The following NTM variants were observed in gnomAD, a reference collection of about 807,000 sequenced individuals.
The protein encoded by NTM is IgLON family member 2.
In NTM, 13 loss-of-function variants were observed where a neutral mutation model predicts 42.1. That is an observed-to-expected ratio of 0.31 (90% CI 0.20 to 0.49). The LOEUF (loss-of-function observed/expected upper bound fraction) is 0.49. NTM is among the 20% of genes least tolerant of loss of function. The pLI is 0.99. For missense variants in NTM, 373 were observed against 452.8 expected, an observed-to-expected ratio of 0.82 and a Z score of 1.60; for synonymous variants, 187 against 179.2, an observed-to-expected ratio of 1.04 and a Z score of -0.35.
intron 1 of NTM, chr11:131,671,443 C>T: frequency 2.0e-6 from 2 of 985,460 alleles, no homozygotes; most frequent in Non-Finnish European, 2.4e-6. Flanking sequence ...CTTGCCTGGG[C>T]CTTGTCAGCT....
chr11:132,315,581 G>C lies in NTM; in HGVS notation c.934+878G>C, dbSNP rs142621614. 2.0e-3 allele frequency among the ~76,000 whole-genome samples: 298 copies of C among 152,314 alleles called. No homozygotes were observed. In the Middle Eastern group the frequency reaches 0.044, roughly 23 times the overall value. ...AAGCACTCTTGAATGTGATGGGGAAGTAAGGGGAGGCATTTGACAGATAAT... is the reference window on the plus strand; with the variant it reads ...AAGCACTCTTGAATGTGATGGGGAACTAAGGGGAGGCATTTGACAGATAAT... On this transcript the variant is annotated intron_variant, in intron 7 of 8. Transcript: ENST00000683400.
chr11:131,664,844 T>G (rs1314598217), intron 1 of NTM, among the ~76,000 whole-genome samples: 2 of 151,200 alleles, frequency 1.3e-5, no homozygotes, highest in African/African-American at 2.4e-5. Context: ...GTTGCCATCC[T>G]TTAATGACAG....
At chr11:132,093,970 G>T (rs188728071) in intron 2 of NTM, among the ~76,000 whole-genome samples, 43 of 152,300 alleles carry the variant, frequency 2.8e-4, no homozygotes, top group Admixed American at 2.7e-3. Flanking sequence ...GCGCAGCTAC[G>T]TGGTGAAGAC....
intron 3 of NTM, among the ~76,000 whole-genome samples, chr11:132,182,086 C>T (rs939174760): frequency 4.6e-5 from 7 of 151,732 alleles, no homozygotes; most frequent in Non-Finnish European, 7.4e-5. Context: ...TATCTTCAAC[C>T]GTTATTTCCC....
rs188205909 is a variant in NTM at position 132,143,629 on chromosome 11, A to T, written c.168-2653A>T. On this transcript the variant is annotated intron_variant, in intron 2 of 8. Transcript: ENST00000683400. ...ACATAGTGGGCTCATGTAGTCAATT[A>T]ACATTGACCATGAATGTGAATTCAT... 2.2e-3 allele frequency among the ~76,000 whole-genome samples: 334 copies of T among 152,314 alleles called. 2 individuals carry two copies. Among genetic ancestry groups the T allele is most frequent in the African/African-American group, 7.5e-3 (312 of 41,568 alleles).
intron 4 of NTM, among the ~76,000 whole-genome samples, chr11:132,236,144 A>G (rs891147609): frequency 6.6e-6 from 1 of 152,150 alleles, no homozygotes; most frequent in African/African-American, 2.4e-5. Flanking sequence ...TCATTAGCCA[A>G]CTTTTCTGGA....
At chr11:131,933,460 ACATT>A (rs2058858662) in intron 2 of NTM, among the ~76,000 whole-genome samples, 1 of 152,092 alleles carries the variant, frequency 6.6e-6, no homozygotes. Flanking sequence ...TCTAAATAAG[ACATT>A]CATTTATCTA....
At chr11:132,095,246 T>C (rs1039056102) in intron 2 of NTM, among the ~76,000 whole-genome samples, 3 of 152,170 alleles carry the variant, frequency 2.0e-5, no homozygotes, top group African/African-American at 7.2e-5. Context: ...GCCTTTCTGA[T>C]TCTTTGCCTA....
chr11:131,496,966 A>G (rs996683405), intron 1 of NTM, among the ~76,000 whole-genome samples: 8 of 152,124 alleles, frequency 5.3e-5, no homozygotes, highest in African/African-American at 9.7e-5. Flanking sequence ...TTCCTACTGA[A>G]CCTAGATGGG....
intron 1 of NTM, among the ~76,000 whole-genome samples, chr11:131,476,280 C>G (rs188381119): frequency 6.6e-6 from 1 of 152,168 alleles, no homozygotes; most frequent in Non-Finnish European, 1.5e-5. Context: ...ATCAACTCAC[C>G]GTGTTAAATG....
At chr11:132,273,312 T>TTG (rs1177608618) in intron 4 of NTM, among the ~76,000 whole-genome samples, 1 of 100,748 alleles carries the variant, frequency 9.9e-6, no homozygotes, top group Non-Finnish European at 2.4e-5. Flanking sequence ...GACTAGTGTT[T>TTG]TTTTTTTTTT....
At chr11:132,004,630 T>TCA (rs1389717345) in intron 2 of NTM, among the ~76,000 whole-genome samples, 3 of 138,314 alleles carry the variant, frequency 2.2e-5, no homozygotes, top group African/African-American at 8.2e-5. Context: ...TCTCTCTCTC[T>TCA]CTCTCACACA....
At chr11:131,883,218 ATCT>A (rs1329211860) in intron 1 of NTM, among the ~76,000 whole-genome samples, 10 of 152,244 alleles carry the variant, frequency 6.6e-5, no homozygotes, top group Non-Finnish European at 1.5e-5. Context: ...ATTATAGTGC[ATCT>A]TCTAATAATT....
intron 7 of NTM, among the ~76,000 whole-genome samples, chr11:132,316,854 G>GT (rs1418861996): frequency 6.6e-6 from 1 of 151,960 alleles, no homozygotes; most frequent in African/African-American, 2.4e-5. Flanking sequence ...ATATGAATTT[G>GT]TTTGTTTGTT....
At chr11:131,385,286 A>T (rs553973684) in intron 1 of NTM, 1 of 152,358 alleles carries the variant, frequency 6.6e-6, no homozygotes, top group African/African-American at 2.4e-5. Flanking sequence ...TATTCCCTTG[A>T]TAAGGATGGA....
chr11:131,476,714 G>C (rs1047147028), intron 1 of NTM, among the ~76,000 whole-genome samples: 1 of 152,120 alleles, frequency 6.6e-6, no homozygotes, highest in Non-Finnish European at 1.5e-5. Flanking sequence ...TATGGTATGA[G>C]AGTTTAAGAG....
chr11:131,424,042 T>C (rs1947805575), intron 1 of NTM, among the ~76,000 whole-genome samples: 1 of 152,098 alleles, frequency 6.6e-6, no homozygotes, highest in Admixed American at 6.6e-5. Flanking sequence ...CCCTTCTGAG[T>C]GGAGAATGAG....
intron 1 of NTM, among the ~76,000 whole-genome samples, chr11:131,756,782 A>G (rs2083400418): frequency 6.6e-6 from 1 of 152,190 alleles, no homozygotes; most frequent in Non-Finnish European, 1.5e-5. Context: ...CGGGCTAGTC[A>G]TCTGATTTAC....
intron 2 of NTM, among the ~76,000 whole-genome samples, chr11:132,118,756 C>T (rs979387587): frequency 4.6e-5 from 7 of 152,214 alleles, no homozygotes; most frequent in Middle Eastern, 3.4e-3. Context: ...CAAATGAGAT[C>T]GCAGCGTCAG....
Sources: allele counts gnomAD v4.1 joint callset (sites outside exome capture counted in the v4.1 genomes callset), GRCh38; gene constraint gnomAD v4.1.1; transcripts MANE v1.5; gene names NCBI Gene and HGNC (gene_info 2026-07-23, HGNC 2026-07-21).